DOCK1: variants seen among roughly 807,000 people sequenced by gnomAD.
DOCK1 encodes dedicator of cytokinesis 1, also known as dedicator of cytokinesis protein 1.
DOCK1 carries 138 observed loss-of-function variants against 262.7 expected under a neutral mutation model. The ratio of observed to expected loss-of-function variants is 0.53; its 90% CI spans 0.46 to 0.61. The LOEUF is 0.61. Ranked by LOEUF, DOCK1 falls within the 20% of genes least tolerant of loss-of-function variation. The probability of loss-of-function intolerance (pLI) is 0.00; values close to 1 mark genes in which losing one functional copy is unlikely to be tolerated. For missense variants in DOCK1, 1,908 were observed against 2,370.7 expected (o/e 0.80, Z 4.05); for synonymous variants, 866 against 867.4 (o/e 1.00, Z 0.03).
chr10:126,917,185 G>C (rs1248691615), intron 1 of DOCK1, among the ~76,000 whole-genome samples: 1 of 152,238 alleles, frequency 6.6e-6, no homozygotes, highest in Admixed American at 6.5e-5. Flanking sequence ...GCTGCCATGA[G>C]CGTGTGAACA....
chr10:127,063,871 G>C (rs555525328), intron 23 of DOCK1, among the ~76,000 whole-genome samples: 1 of 152,304 alleles, frequency 6.6e-6, no homozygotes, highest in Admixed American at 6.5e-5. Flanking sequence ...CAAGTGAATT[G>C]AGTGACGTGT....
At chr10:127,042,747 AAC>A (rs2044101743) in intron 20 of DOCK1, 33 bp downstream of exon 20, 2 of 1,603,184 alleles carry the variant, frequency 1.2e-6, no homozygotes, top group East Asian at 2.2e-5. Context: ...ATGCTTGGAT[AAC>A]ACAGCGTTCT....
intron 1 of DOCK1, among the ~76,000 whole-genome samples, chr10:126,924,779 T>C (rs2033549687): frequency 6.6e-6 from 1 of 152,202 alleles, no homozygotes; most frequent in Non-Finnish European, 1.5e-5. Context: ...CTGTGATTTA[T>C]AGACAGGCAC....
intron 31 of DOCK1, among the ~76,000 whole-genome samples, chr10:127,352,904 A>G (rs1221426493): frequency 2.6e-5 from 4 of 151,920 alleles, no homozygotes; most frequent in Middle Eastern, 3.2e-3. Flanking sequence ...GGGCCTTCCT[A>G]TTTTGAGGGA....
At chr10:127,182,003 G>C (rs561572080) in intron 27 of DOCK1, among the ~76,000 whole-genome samples, 2 of 152,212 alleles carry the variant, frequency 1.3e-5, no homozygotes, top group Middle Eastern at 6.8e-3. Flanking sequence ...TCACTGATGA[G>C]GACCAAAAAG....
At chr10:127,263,978 T>G (rs1205959763) in intron 29 of DOCK1, among the ~76,000 whole-genome samples, 1 of 152,232 alleles carries the variant, frequency 6.6e-6, no homozygotes, top group Non-Finnish European at 1.5e-5. Flanking sequence ...AATCCCTTTG[T>G]CACCTCGAAG....
chr10:127,209,680 A>T (rs577845732), intron 27 of DOCK1, among the ~76,000 whole-genome samples: 1 of 152,302 alleles, frequency 6.6e-6, no homozygotes, highest in East Asian at 1.9e-4. Context: ...AGTAGTGAAA[A>T]TGCAGGAAAA....
At position 127,042,619 on chromosome 10, in the gene DOCK1, A is replaced by G. The variant is rs1173553667; in HGVS notation, c.2011-6A>G. The G allele has an allele frequency of 1.2e-6, 2 of 1,613,920 alleles. No individual in the cohort carries two copies. The highest frequency in any genetic ancestry group is 1.7e-6 in the Non-Finnish European group (2 of 1,179,826). On this transcript the variant is annotated splice_polypyrimidine_tract_variant and splice_region_variant and intron_variant, in intron 19 of 51. Coordinates refer to ENST00000623213, the MANE Select transcript of DOCK1 (RefSeq NM_001290223.2). ...CATTGTCACCCGACCTTCTGTGTCT[A>G]TGCAGTTTCTTCAGGACACGTTGGA...
chr10:126,996,987 GA>G, intron 7 of DOCK1, 104 bp downstream of exon 7: 1 of 1,291,240 alleles, frequency 7.7e-7, no homozygotes, highest in South Asian at 1.7e-5. Context: ...GAAAGAACCT[GA>G]AAAGGAGTAG....
chr10:127,018,011 G>C lies in DOCK1; in HGVS notation c.1202-699G>C, dbSNP rs200593565. Among the ~76,000 whole-genome samples the C allele has an allele frequency of 2.0e-4, 30 of 152,318 alleles. No individual in the cohort carries two copies. In the East Asian group the frequency reaches 5.8e-3, roughly 29 times the overall value. ...CGCCCTTACACATAGACCCCACCGG[G>C]TTTACTGCCCTCTCCCCAGGATACC... On this transcript the variant is annotated intron_variant, in intron 12 of 51. Coordinates refer to ENST00000623213, the MANE Select transcript of DOCK1 (RefSeq NM_001290223.2).
At chr10:127,402,002 G>A (rs76854729) in intron 38 of DOCK1, among the ~76,000 whole-genome samples, 107 of 152,278 alleles carry the variant, frequency 7.0e-4, no homozygotes, top group African/African-American at 2.5e-3. Context: ...CAGGACTGGC[G>A]CTACCGTCTT....
chr10:127,432,144 T>G (rs2069334943), intron 47 of DOCK1, among the ~76,000 whole-genome samples: 1 of 152,184 alleles, frequency 6.6e-6, no homozygotes, highest in East Asian at 1.9e-4. Flanking sequence ...CGATACCGGT[T>G]CCTGGTGCCA....
chr10:127,297,869 G>A (rs183177199), intron 29 of DOCK1, among the ~76,000 whole-genome samples: 32 of 152,160 alleles, frequency 2.1e-4, no homozygotes, highest in African/African-American at 7.2e-4. Context: ...GTCGGAGCGA[G>A]AGTGCCCGAT....
intron 35 of DOCK1, among the ~76,000 whole-genome samples, chr10:127,376,855 G>T (rs998732769): frequency 6.6e-6 from 1 of 152,166 alleles, no homozygotes; most frequent in South Asian, 2.1e-4. Flanking sequence ...ATGGTGGTGT[G>T]CTCTGAATAT....
At chr10:127,280,183 C>T (rs4508118) in intron 29 of DOCK1, among the ~76,000 whole-genome samples, 41,703 of 150,426 alleles carry the variant, frequency 0.28, 6,166 homozygotes, top group Admixed American at 0.37. Context: ...TACAGGCACC[C>T]GCCACCGCAC....
chr10:126,981,132 G>A (rs2038942295), intron 3 of DOCK1, among the ~76,000 whole-genome samples: 1 of 152,046 alleles, frequency 6.6e-6, no homozygotes, highest in Non-Finnish European at 1.5e-5. Flanking sequence ...ATTTTTAGTA[G>A]AGATGGGGTT....
chr10:127,108,402 A>G (rs2048668448), intron 24 of DOCK1, among the ~76,000 whole-genome samples: 1 of 152,262 alleles, frequency 6.6e-6, no homozygotes, highest in African/African-American at 2.4e-5. Flanking sequence ...CCTGGCCAGC[A>G]TGGTGAAACT....
At chr10:127,429,615 G>A (rs965305075) in intron 47 of DOCK1, among the ~76,000 whole-genome samples, 4 of 152,182 alleles carry the variant, frequency 2.6e-5, no homozygotes, top group Non-Finnish European at 2.9e-5. Context: ...CTGACTTCTC[G>A]ATACCCAGGC....
chr10:127,085,526 G>A (rs1476370830), intron 23 of DOCK1, among the ~76,000 whole-genome samples: 2 of 152,286 alleles, frequency 1.3e-5, no homozygotes, highest in Non-Finnish European at 2.9e-5. Flanking sequence ...TTGGGAGGCC[G>A]AGGCAGGCGG....
Sources: allele counts gnomAD v4.1 joint callset (sites outside exome capture counted in the v4.1 genomes callset), GRCh38; gene constraint gnomAD v4.1.1; transcripts MANE v1.5; gene names NCBI Gene and HGNC (gene_info 2026-07-23, HGNC 2026-07-21).